DOC2B: variants seen among roughly 807,000 people sequenced by gnomAD.
DOC2B encodes double C2 domain beta.
In DOC2B, 21 loss-of-function variants were observed where a neutral mutation model predicts 28.9. The ratio of observed to expected loss-of-function variants is 0.73; its 90% CI spans 0.52 to 1.05. DOC2B has a LOEUF of 1.05. Among genes scored for constraint, DOC2B ranks in the 50% least tolerant of loss-of-function variants. The probability of loss-of-function intolerance (pLI) is 0.00; values close to 1 mark genes in which losing one functional copy is unlikely to be tolerated. For synonymous variants in DOC2B, 194 were observed against 178.1 expected, an observed-to-expected ratio of 1.09 and a Z score of -0.71; for missense variants, 384 against 421.1, an observed-to-expected ratio of 0.91 and a Z score of 0.77.
intron 6 of DOC2B, among the ~76,000 whole-genome samples, chr17:152,344 G>A (rs763454074): frequency 2.0e-5 from 3 of 152,134 alleles, no homozygotes; most frequent in South Asian, 2.1e-4. Context: ...CGTGTAACTC[G>A]ACATGTCAGC....
At chr17:170,606 C>T (rs921681797) in intron 2 of DOC2B, among the ~76,000 whole-genome samples, 1 of 152,186 alleles carries the variant, frequency 6.6e-6, no homozygotes, top group African/African-American at 2.4e-5. Context: ...ACTAGGGAGA[C>T]TCTACTGGCC....
At position 147,563 on chromosome 17, in the gene DOC2B, C is replaced by T; in HGVS notation, c.1117G>A (p.Gly373Ser). 5.0e-6 allele frequency: 2 copies of T among 398,866 alleles called. No homozygotes were observed. The highest frequency in any genetic ancestry group is 7.1e-5 in the East Asian group (2 of 28,080). The allele number at this position is 398,866 out of a possible 1,614,324, so 24.7% of individuals were successfully genotyped here. A position where few individuals can be genotyped will look rare whatever the true frequency, so the allele number is the denominator to read the frequency against. Reference protein sequence around the residue: ...SNDFIGGVVLGIHAKGERLKH... With the variant: ...SNDFIGGVVLSIHAKGERLKH... ...AGGCGCTCCCCCTTGGCGTGGATGCCCAGAACCACACCACCTGCAGGAGGA... is the reference window on the plus strand; with the variant it reads ...AGGCGCTCCCCCTTGGCGTGGATGCTCAGAACCACACCACCTGCAGGAGGA... Residue 373 changes from glycine to serine, a missense_variant, in exon 9 of 9, where the codon GGC (glycine) becomes AGC (serine). Physicochemically the swap from Gly to Ser is moderately conservative, Grantham distance 56. Coordinates refer to ENST00000613549, the MANE Select transcript of DOC2B (RefSeq NM_003585.5).
Position 147,272 on chromosome 17 carries a change from G to C in DOC2B, c.*169C>G, listed in dbSNP as rs2151456712. ...TCCTTGCCCTCCCCGTCCCAGAGTGGCTGAGCCCTCCACATCCTCCGAGCG... is the reference window on the plus strand; with the variant it reads ...TCCTTGCCCTCCCCGTCCCAGAGTGCCTGAGCCCTCCACATCCTCCGAGCG... On this transcript the variant is annotated 3_prime_UTR_variant, in exon 9 of 9. Coordinates refer to ENST00000613549, the MANE Select transcript of DOC2B (RefSeq NM_003585.5). The C allele has an allele frequency of 2.5e-6, 1 of 396,016 alleles. No individual in the cohort carries two copies. The highest frequency in any genetic ancestry group is 1.4e-4 in the South Asian group (1 of 7,010). The allele number at this position is 396,016 out of a possible 1,614,324, so 24.5% of individuals were successfully genotyped here. A position where few individuals can be genotyped will look rare whatever the true frequency, so the allele number is the denominator to read the frequency against.
In DOC2B at chr17:145,062, G is replaced by A. The variant is rs1249412827; in HGVS notation, c.*2379C>T. The A allele has an allele frequency of 6.6e-6, 1 of 152,232 alleles. No homozygotes were observed. Among genetic ancestry groups the A allele is most frequent in the East Asian group, 1.9e-4 (1 of 5,192 alleles). The allele number at this position is 152,232 out of a possible 1,614,324, so 9.4% of individuals were successfully genotyped here. On this transcript the variant is annotated 3_prime_UTR_variant, in exon 9 of 9. Transcript: ENST00000613549. The stretch of plus-strand genomic sequence containing the variant: ...GGCCCCCAGAGGGTGCCCATTCTGT[G>A]TGGAGAAAAGAGGAGCCCTTGCCTC...
intron 7 of DOC2B, among the ~76,000 whole-genome samples, chr17:148,687 T>C (rs2040041353): frequency 6.6e-6 from 1 of 152,144 alleles, no homozygotes; most frequent in Admixed American, 6.5e-5. Flanking sequence ...ACTGGTGTGG[T>C]GTGGGCTCTA....
At chr17:150,259 C>A (rs556541063) in intron 6 of DOC2B, among the ~76,000 whole-genome samples, 102 of 152,302 alleles carry the variant, frequency 6.7e-4, no homozygotes, top group Non-Finnish European at 1.1e-3. Context: ...TTGCCTTGTC[C>A]CTGCTGAATG....
rs146438458 is a variant in DOC2B, at chr17:177,524, C to T, written c.373+3583G>A. On this transcript the variant is annotated intron_variant, in intron 1 of 8. Coordinates refer to ENST00000613549, the MANE Select transcript of DOC2B (RefSeq NM_003585.5). ...TTTCCCTCTGTCAGCCCACCTCCTC[C>T]CTCCTCCCAGTCTTAGGGCTGAGCC... Among the ~76,000 whole-genome samples the T allele has an allele frequency of 6.1e-3, 926 of 152,366 alleles. 31 individuals are homozygous for T. Among genetic ancestry groups the T allele is most frequent in the Admixed American group, 0.044 (677 of 15,304 alleles).
intron 6 of DOC2B, among the ~76,000 whole-genome samples, chr17:151,420 A>G (rs1227635809): frequency 6.6e-6 from 1 of 152,116 alleles, no homozygotes; most frequent in Non-Finnish European, 1.5e-5. Flanking sequence ...AGCATCCCTA[A>G]CTCAAAAATT....
intron 2 of DOC2B, among the ~76,000 whole-genome samples, chr17:169,044 T>C (rs28495754): frequency 0.82 from 124,008 of 152,030 alleles, 50,905 homozygotes; most frequent in East Asian, 0.86. Flanking sequence ...AGAGGAGAGC[T>C]TCTCCCCAAA....
chr17:166,629 C>T (rs897935564), intron 2 of DOC2B, among the ~76,000 whole-genome samples: 2 of 152,200 alleles, frequency 1.3e-5, no homozygotes, highest in East Asian at 1.9e-4. Flanking sequence ...ATACGTCTCA[C>T]GAGATCTGAT....
intron 5 of DOC2B, among the ~76,000 whole-genome samples, chr17:156,583 C>G (rs139867090): frequency 0.055 from 8,445 of 152,308 alleles, 325 homozygotes; most frequent in Non-Finnish European, 0.085. Flanking sequence ...TGACCCACAC[C>G]CTCCCTGTTC....
At chr17:153,581 A>G (rs943073570) in intron 6 of DOC2B, among the ~76,000 whole-genome samples, 4 of 152,072 alleles carry the variant, frequency 2.6e-5, no homozygotes, top group Non-Finnish European at 5.9e-5. Context: ...CATGCCTGTA[A>G]TCCCAGCTAC....
At chr17:180,672 C>T (rs1289392696) in intron 1 of DOC2B, among the ~76,000 whole-genome samples, 2 of 151,934 alleles carry the variant, frequency 1.3e-5, no homozygotes, top group Non-Finnish European at 2.9e-5. Flanking sequence ...CCCTCGGCCG[C>T]GAGGCCCTCC....
chr17:170,371 T>C (rs4890168), intron 2 of DOC2B, among the ~76,000 whole-genome samples: 122,004 of 152,196 alleles, frequency 0.8, 49,443 homozygotes, highest in Non-Finnish European at 0.85. Flanking sequence ...CACCTACCCA[T>C]GGCAGTCCAC....
At chr17:158,653 G>A (rs1055133591) in intron 5 of DOC2B, among the ~76,000 whole-genome samples, 2 of 152,248 alleles carry the variant, frequency 1.3e-5, no homozygotes, top group African/African-American at 4.8e-5. Context: ...AGGCCTGCGA[G>A]ATCTCGCTAT....
chr17:155,996 C>T (rs2151462134), intron 6 of DOC2B: 4 of 568,634 alleles, frequency 7.0e-6, no homozygotes, highest in East Asian at 6.3e-5. Context: ...CTGCATGACC[C>T]TGGGAAGCCA....
intron 6 of DOC2B, among the ~76,000 whole-genome samples, chr17:150,519 A>C (rs1555521714): frequency 6.6e-6 from 1 of 152,166 alleles, no homozygotes; most frequent in African/African-American, 2.4e-5. Flanking sequence ...TGCCTGCGAC[A>C]AAGCTGAATG....
In DOC2B at chr17:172,577, T is replaced by C. The variant is rs1254125386; in HGVS notation, c.413A>G (p.Gln138Arg). Residue 138 changes from glutamine (Q) to arginine (R), a missense_variant, in exon 2 of 9, where the codon CAG becomes CGG. By Grantham distance (43) the Gln-to-Arg change is conservative. Transcript: ENST00000613549. ...GGTGCAGTGGAGGGCGTTGTTCTCC[T>C]GGTCATACAGCAGGCTGAAGTCCAG... The part of the protein sequence containing the change: ...GTLDFSLLYD[Q>R]ENNALHCTIT... The C allele has an allele frequency of 1.3e-6, 2 of 1,551,096 alleles. No individual in the cohort carries two copies. The highest frequency in any genetic ancestry group is 2.7e-5 in the African/African-American group (2 of 73,124).
intron 6 of DOC2B, among the ~76,000 whole-genome samples, chr17:150,714 C>T (rs2040063199): frequency 6.6e-6 from 1 of 152,176 alleles, no homozygotes; most frequent in Non-Finnish European, 1.5e-5. Context: ...CATATGTCCA[C>T]ACAAAAACCT....
Sources: gnomAD v4.1 joint callset for allele counts (sites outside exome capture counted in the v4.1 genomes callset) on GRCh38, gnomAD v4.1.1 for gene constraint, MANE v1.5 for transcripts, NCBI Gene and HGNC (gene_info 2026-07-23, HGNC 2026-07-21) for gene names.